The following SPRY2 variants were observed in gnomAD, a reference collection of about 807,000 sequenced individuals.
SPRY2 encodes the protein sprouty RTK signaling antagonist 2, also known as protein sprouty homolog 2.
A neutral mutation model predicts 23.4 loss-of-function variants in SPRY2; 10 were observed. The observed-to-expected ratio is 0.43, with a 90% CI of 0.26 to 0.73. The LOEUF (loss-of-function observed/expected upper bound fraction) is 0.73, where lower values mean the gene tolerates loss of function less well. Ranked by LOEUF, SPRY2 falls within the 30% of genes least tolerant of loss-of-function variation. The pLI is 0.22. For missense variants in SPRY2, 344 were observed against 396.9 expected (o/e 0.87, Z 1.13); for synonymous variants, 170 against 156.9 (o/e 1.08, Z -0.62).
At chr13:80,338,142 T>G (rs1314697726) in intron 1 of SPRY2, among the ~76,000 whole-genome samples, 1 of 152,128 alleles carries the variant, frequency 6.6e-6, no homozygotes, top group East Asian at 1.9e-4. Flanking sequence ...TTGAAATAGG[T>G]TTCCATTTGT....
chr13:80,339,689 T>C (rs958087330), intron 1 of SPRY2: 2 of 151,570 alleles, frequency 1.3e-5, no homozygotes, highest in Non-Finnish European at 2.9e-5. Flanking sequence ...GAAACCCCCA[T>C]TAAGAACAGT....
At position 80,337,326 on chromosome 13, in the gene SPRY2, C is replaced by G. The variant is rs1312541122; in HGVS notation, c.380G>C (p.Ser127Thr). ...CAGTCTCTGTTCAGAGGAGCTGCTGCTGGTACTTGTCCTCGTACTGCTCCG... is the reference window on the plus strand; with the variant it reads ...CAGTCTCTGTTCAGAGGAGCTGCTGGTGGTACTTGTCCTCGTACTGCTCCG... ...GSRSSTRTST[S>T]SSSSEQRLLG... is the part of the protein sequence containing the mutation. Residue 127 changes from serine (S) to threonine (T), a missense_variant, in exon 2 of 2, where the codon AGC becomes ACC. Ser to Thr is a moderately conservative substitution (Grantham distance 58). Coordinates refer to ENST00000377104, the MANE Select transcript of SPRY2 (RefSeq NM_005842.4). 2 of 1,614,080 alleles carry G rather than the reference C, an allele frequency of 1.2e-6. No individual in the cohort carries two copies. Among genetic ancestry groups the G allele is most frequent in the African/African-American group, 2.7e-5 (2 of 74,926 alleles).
In SPRY2 at chr13:80,336,857, A is replaced by G. The variant is rs1232534601; in HGVS notation, c.849T>C (p.Tyr283=). 13 of 1,614,064 alleles carry G rather than the reference A, an allele frequency of 8.1e-6. No homozygotes were observed. The highest frequency in any genetic ancestry group is 1.1e-5 in the Non-Finnish European group (13 of 1,180,056). Residue 283 remains tyrosine (Y), a synonymous_variant, in exon 2 of 2, where the codon TAT becomes TAC. Transcript: ENST00000377104. ...GGCAACCAGGCCTGTTAACCCGGTC[A>G]TAACACCCCTGGCACAATTTAAGGC... ...KGCLKLCQGC[Y]DRVNRPGCRC... is the part of the protein sequence containing the mutation.
chr13:80,340,354 C>T (rs1283247899), intron 1 of SPRY2, among the ~76,000 whole-genome samples: 1 of 152,266 alleles, frequency 6.6e-6, no homozygotes, highest in Non-Finnish European at 1.5e-5. Flanking sequence ...TCCGTCCCAA[C>T]CCCCTAGAGC....
intron 1 of SPRY2, among the ~76,000 whole-genome samples, chr13:80,338,360 G>C (rs1294517189): frequency 1.3e-5 from 2 of 152,110 alleles, no homozygotes; most frequent in African/African-American, 4.8e-5. Flanking sequence ...TTGTATAGTA[G>C]CACAAAGTTA....
At chr13:80,338,081 G>C (rs1211162307) in intron 1 of SPRY2, among the ~76,000 whole-genome samples, 1 of 152,150 alleles carries the variant, frequency 6.6e-6, no homozygotes, top group Non-Finnish European at 1.5e-5. Flanking sequence ...AGTATTGCTG[G>C]AATATAACAC....
chr13:80,336,531 T>C lies in SPRY2; in HGVS notation c.*227A>G, dbSNP rs1880258444. 3 of 607,442 alleles carry C rather than the reference T, an allele frequency of 4.9e-6. No homozygotes were observed. The African/African-American group carries it at 5.5e-5, about 11-fold the overall frequency. The allele number at this position is 607,442 out of a possible 1,614,324, so 37.6% of individuals were successfully genotyped here. ...GTGTTGCTTTAGCTTATGCAATACA[T>C]GGGTCACCAAGTTCTGTATCTCATA... On this transcript the variant is annotated 3_prime_UTR_variant, in exon 2 of 2. Coordinates refer to ENST00000377104, the MANE Select transcript of SPRY2 (RefSeq NM_005842.4).
In SPRY2 at chr13:80,340,954, A is replaced by G. The variant is rs1880491814; in HGVS notation, c.-384T>C. ...ATGGGAAAAGAAAACGGCCTTACGGAGAACCTAAAGCCAGATCGCCAAGTG... is the reference window on the plus strand; with the variant it reads ...ATGGGAAAAGAAAACGGCCTTACGGGGAACCTAAAGCCAGATCGCCAAGTG... On this transcript the variant is annotated 5_prime_UTR_variant, in exon 1 of 2. Transcript: ENST00000377104. 1 of 152,002 alleles carries G rather than the reference A, an allele frequency of 6.6e-6. No homozygotes were observed. The highest frequency in any genetic ancestry group is 3.4e-3 in the Middle Eastern group (1 of 292). 9.4% of individuals were successfully genotyped at this position (152,002 alleles called of 1,614,324 possible).
Position 80,337,579 on chromosome 13 carries a change from G to A in SPRY2, c.127C>T (p.Leu43=). 1.2e-6 allele frequency: 2 copies of A among 1,614,154 alleles called. No individual in the cohort carries two copies. Among genetic ancestry groups the A allele is most frequent in the Non-Finnish European group, 1.7e-6 (2 of 1,180,032 alleles). The change falls in exon 2 of 2, where the codon CTG becomes TTG. Residue 43 remains leucine, a synonymous_variant. Transcript: ENST00000377104. Reference sequence around the variant, plus strand: ...TTTCGGATGGCTCTGATCTGATCCAGAGACAAGACATGTACCTGCTGGGTG... The same window carrying A: ...TTTCGGATGGCTCTGATCTGATCCAAAGACAAGACATGTACCTGCTGGGTG... ...ALTQQVHVLS[L]DQIRAIRNTN...
rs374807512 is a variant in SPRY2 at position 80,340,809 on chromosome 13, G to T, written c.-239C>A. The T allele has an allele frequency of 1.3e-5, 2 of 152,262 alleles. No individual in the cohort carries two copies. Among genetic ancestry groups the T allele is most frequent in the African/African-American group, 4.8e-5 (2 of 41,476 alleles). 9.4% of individuals were successfully genotyped at this position (152,262 alleles called of 1,614,324 possible). ...AGATTCCCCGCTGATGAACACTCCG[G>T]GGTTCGGAGCTGGAGACGACTCCCC... is the stretch of plus-strand genomic sequence containing the variant. On this transcript the variant is annotated 5_prime_UTR_variant, in exon 1 of 2. Coordinates refer to ENST00000377104, the MANE Select transcript of SPRY2 (RefSeq NM_005842.4).
rs761596736 is a variant in SPRY2 at position 80,337,161 on chromosome 13, C to T, written c.545G>A (p.Gly182Asp). The T allele has an allele frequency of 6.2e-7, 1 of 1,614,056 alleles. No homozygotes were observed. Among genetic ancestry groups the T allele is most frequent in the South Asian group, 1.1e-5 (1 of 91,088 alleles). ...GLHAYRCEDC[G>D]KCKCKECTYP... ...GGTGCACTCCTTACATTTGCACTTG[C>T]CACAGTCCTCACACCTGTAGGCGTG... The change falls in exon 2 of 2, where the codon GGC becomes GAC. Residue 182 changes from glycine (G) to aspartate (D), a missense_variant. Transcript: ENST00000377104.
At chr13:80,340,024 G>A (rs1278814842) in intron 1 of SPRY2, among the ~76,000 whole-genome samples, 1 of 152,152 alleles carries the variant, frequency 6.6e-6, no homozygotes, top group Non-Finnish European at 1.5e-5. Flanking sequence ...GCAGGGCGAC[G>A]CTCCCACCCG....
intron 1 of SPRY2, among the ~76,000 whole-genome samples, chr13:80,339,821 C>A (rs1593916029): frequency 6.6e-6 from 1 of 152,168 alleles, no homozygotes; most frequent in South Asian, 2.1e-4. Context: ...ACAACAACAA[C>A]AAAAGGAAAT....
chr13:80,336,528 A>G lies in SPRY2; in HGVS notation c.*230T>C, dbSNP rs1880258197. The stretch of plus-strand genomic sequence containing the variant: ...TCTGTGTTGCTTTAGCTTATGCAAT[A>G]CATGGGTCACCAAGTTCTGTATCTC... On this transcript the variant is annotated 3_prime_UTR_variant, in exon 2 of 2. Transcript: ENST00000377104. The G allele has an allele frequency of 3.3e-6, 2 of 604,488 alleles. No individual in the cohort carries two copies. Among genetic ancestry groups the G allele is most frequent in the Admixed American group, 2.9e-5 (1 of 34,664 alleles). 37.4% of individuals were successfully genotyped at this position (604,488 alleles called of 1,614,324 possible).
At position 80,336,622 on chromosome 13, in the gene SPRY2, T is replaced by C. The variant is rs1381669428; in HGVS notation, c.*136A>G. On this transcript the variant is annotated 3_prime_UTR_variant, in exon 2 of 2. Coordinates refer to ENST00000377104, the MANE Select transcript of SPRY2 (RefSeq NM_005842.4). ...TAAAACGGCACATGGACAAAAAGCA[T>C]TTCACCGCAAACAGCAAAGACTATC... is the stretch of plus-strand genomic sequence containing the variant. 20 of 954,264 alleles carry C rather than the reference T, an allele frequency of 2.1e-5. No homozygotes were observed. The highest frequency in any genetic ancestry group is 1.5e-4 in the Admixed American group (7 of 47,544). The allele number at this position is 954,264 out of a possible 1,614,324, so 59.1% of individuals were successfully genotyped here. A position where few individuals can be genotyped will look rare whatever the true frequency, so the allele number is the denominator to read the frequency against.
In SPRY2 at chr13:80,340,908, C is replaced by T. The variant is rs1465066037; in HGVS notation, c.-338G>A. On this transcript the variant is annotated 5_prime_UTR_variant, in exon 1 of 2. Coordinates refer to ENST00000377104, the MANE Select transcript of SPRY2 (RefSeq NM_005842.4). ...AGGCCGAAGCGCCAACGGCAAGTCC[C>T]TTTTCCTGGCAGATGAGCGAATGGG... 2 of 152,208 alleles carry T rather than the reference C, an allele frequency of 1.3e-5. No individual in the cohort carries two copies. The highest frequency in any genetic ancestry group is 4.8e-5 in the African/African-American group (2 of 41,462). 9.4% of individuals were successfully genotyped at this position (152,208 alleles called of 1,614,324 possible).
rs1566317385 is a variant in SPRY2, at chr13:80,340,161, G to A, written c.-52+461C>T. Among the ~76,000 whole-genome samples, 3 of 152,344 alleles carry A rather than the reference G, an allele frequency of 2.0e-5. No individual in the cohort carries two copies. In the East Asian group the frequency reaches 5.8e-4, roughly 29 times the overall value. On this transcript the variant is annotated intron_variant, in intron 1 of 1. Coordinates refer to ENST00000377104, the MANE Select transcript of SPRY2 (RefSeq NM_005842.4). ...ACCTGTGTCCCCCAGCCCCACCAGCGCCCCGCCTAGGGACAGCCTCTCCCT... is the reference window on the plus strand; with the variant it reads ...ACCTGTGTCCCCCAGCCCCACCAGCACCCCGCCTAGGGACAGCCTCTCCCT...
intron 1 of SPRY2, chr13:80,339,100 T>A (rs999653978): frequency 1.2e-4 from 19 of 152,128 alleles, no homozygotes; most frequent in African/African-American, 4.6e-4. Flanking sequence ...TCTCCCCAGC[T>A]AAGATCTCCC....
intron 1 of SPRY2, chr13:80,338,858 G>A (rs532842707): frequency 4.6e-5 from 7 of 152,482 alleles, no homozygotes; most frequent in Non-Finnish European, 1.0e-4. Context: ...AATGGCAGAA[G>A]ACAACGCTGC....
Sources: allele counts gnomAD v4.1 joint callset (sites outside exome capture counted in the v4.1 genomes callset), GRCh38; gene constraint gnomAD v4.1.1; transcripts MANE v1.5; gene names NCBI Gene and HGNC (gene_info 2026-07-23, HGNC 2026-07-21).